HPSE2: variants seen among roughly 807,000 people sequenced by gnomAD.
HPSE2 encodes the protein heparanase 2 (inactive), also known as inactive heparanase-2.
In HPSE2, 38 loss-of-function variants were observed where a neutral mutation model predicts 60.5. The observed-to-expected ratio is 0.63, with a 90% CI of 0.48 to 0.82. The LOEUF (loss-of-function observed/expected upper bound fraction) is 0.82, where lower values mean the gene tolerates loss of function less well. Among genes scored for constraint, HPSE2 ranks in the 40% least tolerant of loss-of-function variants. The pLI is 0.00. For synonymous variants in HPSE2, 295 were observed against 293.2 expected, an observed-to-expected ratio of 1.01 and a Z score of -0.06; for missense variants, 713 against 740.4, an observed-to-expected ratio of 0.96 and a Z score of 0.43.
At chr10:98,710,883 C>A (rs1948660721) in intron 5 of HPSE2, among the ~76,000 whole-genome samples, 1 of 152,006 alleles carries the variant, frequency 6.6e-6, no homozygotes, top group Non-Finnish European at 1.5e-5. Flanking sequence ...AAGATTTTTT[C>A]TCAAGATAGA....
intron 2 of HPSE2, 148 bp downstream of exon 2, chr10:99,232,200 C>T (rs867023333): frequency 2.2e-5 from 18 of 812,658 alleles, no homozygotes; most frequent in African/African-American, 1.3e-4. Flanking sequence ...TCTGCCCCAA[C>T]GCGCGCGCGC....
Position 98,638,352 on chromosome 10 carries a change from G to A in HPSE2, c.1098+3495C>T, listed in dbSNP as rs539137193. ...CCCAGCTACTCGGGAGGCTGCGGCA[G>A]GAGAAAGGTGTGAACCCGGGAGGCG... On this transcript the variant is annotated intron_variant, in intron 7 of 11. Coordinates refer to ENST00000370552, the MANE Select transcript of HPSE2 (RefSeq NM_021828.5). Among the ~76,000 whole-genome samples, 3 of 151,808 alleles carry A rather than the reference G, an allele frequency of 2.0e-5. No homozygotes were observed. The East Asian group carries it at 5.8e-4, about 29-fold the overall frequency.
intron 3 of HPSE2, among the ~76,000 whole-genome samples, chr10:99,001,026 G>A (rs1956766281): frequency 1.3e-5 from 2 of 151,984 alleles, no homozygotes; most frequent in Admixed American, 1.3e-4. Context: ...TAGCTGAACT[G>A]TAATTTGAAT....
chr10:98,761,706 C>T (rs1052390119), intron 3 of HPSE2, among the ~76,000 whole-genome samples: 1 of 152,060 alleles, frequency 6.6e-6, no homozygotes, highest in African/African-American at 2.4e-5. Context: ...ATGGCAATGA[C>T]CTAAGAACTC....
intron 3 of HPSE2, among the ~76,000 whole-genome samples, chr10:98,819,236 C>T (rs1422165477): frequency 6.6e-6 from 1 of 152,040 alleles, no homozygotes. Context: ...CTGTCATGAT[C>T]AGAAAGGAGA....
the HPSE2 span, among the ~76,000 whole-genome samples, chr10:99,263,673 T>C: frequency 6.6e-6 from 1 of 151,852 alleles, no homozygotes; most frequent in Non-Finnish European, 1.5e-5. Flanking sequence ...CTATTTACTC[T>C]CCCACTGAAG....
Position 98,545,929 on chromosome 10 carries a change from T to G in HPSE2, c.1321-55733A>C, listed in dbSNP as rs1452940538. Among the ~76,000 whole-genome samples the G allele has an allele frequency of 1.9e-4, 28 of 150,254 alleles. 2 individuals are homozygous for G. The Admixed American group carries it at 1.9e-3, about 10-fold the overall frequency. On this transcript the variant is annotated intron_variant, in intron 9 of 11. Transcript: ENST00000370552. ...CCATTGTCTCAGCCCAAAGTCTCCTTAAGCTGATAAGCAACTTCAGCAAAG... is the reference window on the plus strand; with the variant it reads ...CCATTGTCTCAGCCCAAAGTCTCCTGAAGCTGATAAGCAACTTCAGCAAAG...
chr10:98,938,297 C>T (rs570622979), intron 3 of HPSE2, among the ~76,000 whole-genome samples: 1 of 144,422 alleles, frequency 6.9e-6, no homozygotes, highest in Non-Finnish European at 1.5e-5. Flanking sequence ...CTCCGAGCTA[C>T]AGGAGGAAAT....
At chr10:99,112,210 T>A (rs1004036761) in intron 3 of HPSE2, among the ~76,000 whole-genome samples, 1 of 152,186 alleles carries the variant, frequency 6.6e-6, no homozygotes, top group Non-Finnish European at 1.5e-5. Flanking sequence ...ATATATTTTA[T>A]AACATAAGCC....
At chr10:99,089,743 G>C (rs1843447541) in intron 3 of HPSE2, among the ~76,000 whole-genome samples, 1 of 152,070 alleles carries the variant, frequency 6.6e-6, no homozygotes, top group Non-Finnish European at 1.5e-5. Context: ...GAATTGCATT[G>C]AATTTGTAGA....
At chr10:99,069,248 T>C (rs1280010066) in intron 3 of HPSE2, among the ~76,000 whole-genome samples, 2 of 152,042 alleles carry the variant, frequency 1.3e-5, no homozygotes, top group African/African-American at 2.4e-5. Context: ...CAACTACAGG[T>C]TAAGAAAGCT....
At chr10:98,520,352 C>T (rs891819464) in intron 9 of HPSE2, among the ~76,000 whole-genome samples, 6 of 152,226 alleles carry the variant, frequency 3.9e-5, no homozygotes, top group Non-Finnish European at 5.9e-5. Context: ...TCTCCTCGCT[C>T]GTGAGCAGTT....
intron 9 of HPSE2, among the ~76,000 whole-genome samples, chr10:98,575,111 TA>T: frequency 6.6e-6 from 1 of 152,236 alleles, no homozygotes. Context: ...GAGCCACCTT[TA>T]AAAGGAAAAG....
intron 3 of HPSE2, among the ~76,000 whole-genome samples, chr10:98,770,913 C>T (rs1016647572): frequency 6.6e-6 from 1 of 152,114 alleles, no homozygotes; most frequent in Non-Finnish European, 1.5e-5. Context: ...CAGCCCCTGA[C>T]AAAAGGTGAT....
chr10:98,823,053 C>T (rs535217511), intron 3 of HPSE2, among the ~76,000 whole-genome samples: 7 of 152,108 alleles, frequency 4.6e-5, no homozygotes, highest in African/African-American at 1.4e-4. Flanking sequence ...AGCAGAGGGA[C>T]AGAGAGAAAG....
At chr10:98,911,208 T>A (rs560062996) in intron 3 of HPSE2, among the ~76,000 whole-genome samples, 70 of 152,172 alleles carry the variant, frequency 4.6e-4, no homozygotes, top group Non-Finnish European at 8.8e-4. Flanking sequence ...GATTCCAAAT[T>A]TTCTAGGGGC....
intron 3 of HPSE2, among the ~76,000 whole-genome samples, chr10:99,130,832 T>A (rs1301325202): frequency 1.3e-5 from 2 of 152,164 alleles, no homozygotes; most frequent in Non-Finnish European, 2.9e-5. Flanking sequence ...CAGTATCTTA[T>A]CAGCTAATTG....
intron 9 of HPSE2, among the ~76,000 whole-genome samples, chr10:98,522,369 G>C (rs1297064133): frequency 6.6e-6 from 1 of 152,088 alleles, no homozygotes; most frequent in Non-Finnish European, 1.5e-5. Context: ...TAGGTACTTT[G>C]CTGTTTATGA....
intron 3 of HPSE2, among the ~76,000 whole-genome samples, chr10:99,065,997 C>T (rs1231207143): frequency 6.6e-6 from 1 of 152,142 alleles, no homozygotes; most frequent in African/African-American, 2.4e-5. Context: ...AAGTACAAGG[C>T]AGAAAGTGAA....
Sources: gnomAD v4.1 joint callset for allele counts (sites outside exome capture counted in the v4.1 genomes callset) on GRCh38, gnomAD v4.1.1 for gene constraint, MANE v1.5 for transcripts, NCBI Gene and HGNC (gene_info 2026-07-23, HGNC 2026-07-21) for gene names.